The following HHIPL1 variants were observed in gnomAD, a reference collection of about 807,000 sequenced individuals.
HHIPL1 encodes the protein HHIP like 1, also known as HHIP-like protein 1.
HHIPL1 carries 43 observed loss-of-function variants against 61.8 expected under a neutral mutation model. The observed-to-expected ratio is 0.70, with a 90% CI of 0.55 to 0.90. The LOEUF is 0.90. Among genes scored for constraint, HHIPL1 ranks in the 40% least tolerant of loss-of-function variants. HHIPL1 has a pLI of 0.00. For synonymous variants in HHIPL1, 482 were observed against 515.8 expected (o/e 0.93, Z 0.89); for missense variants, 1,056 against 1,157.7 (o/e 0.91, Z 1.28).
chr14:99,631,730 C>T, the HHIPL1 span, among the ~76,000 whole-genome samples: 1 of 152,208 alleles, frequency 6.6e-6, no homozygotes, highest in Non-Finnish European at 1.5e-5. Context: ...AATTCTCCTG[C>T]CTCAGCCTCC....
the HHIPL1 span, among the ~76,000 whole-genome samples, chr14:99,621,457 C>A: frequency 6.6e-6 from 1 of 152,130 alleles, no homozygotes; most frequent in African/African-American, 2.4e-5. Flanking sequence ...CTGGGTGGGA[C>A]TGGGGGATTT....
Position 99,660,205 on chromosome 14 carries a change from C to A in HHIPL1, c.1376-75C>A. The A allele has an allele frequency of 1.3e-6, 2 of 1,575,410 alleles. No homozygotes were observed. Among genetic ancestry groups the A allele is most frequent in the Non-Finnish European group, 1.7e-6 (2 of 1,156,440 alleles). The stretch of plus-strand genomic sequence containing the variant: ...CGTGGCCGCCCCACCCCCGCGGAAT[C>A]CCTCCGGAATTCTCCTGGCTGATGA... On this transcript the variant is annotated intron_variant, in intron 4 of 8. Coordinates refer to ENST00000330710, the MANE Select transcript of HHIPL1 (RefSeq NM_001127258.3). This position sits in a 1 kb window ranked among gnomAD's most constrained non-coding sequence, Gnocchi z 4.9.
At chr14:99,674,412 C>T (rs527872791) in intron 8 of HHIPL1, among the ~76,000 whole-genome samples, 1 of 152,164 alleles carries the variant, frequency 6.6e-6, no homozygotes, top group East Asian at 1.9e-4. Context: ...CCGACTGCAC[C>T]CAGGCTCTGT....
chr14:99,660,520 C>T lies in HHIPL1; in HGVS notation c.1502+114C>T. 2.2e-6 allele frequency: 3 copies of T among 1,337,362 alleles called. No individual in the cohort carries two copies. Among genetic ancestry groups the T allele is most frequent in the Non-Finnish European group, 3.1e-6 (3 of 968,082 alleles). 82.8% of individuals were successfully genotyped at this position (1,337,362 alleles called of 1,614,324 possible). ...CCGTTCCTGCACATGTGCCTCGCTG[C>T]TCTGACAGGGGCCCCTAGGTGTGGG... is the stretch of plus-strand genomic sequence containing the variant. On this transcript the variant is annotated intron_variant, in intron 5 of 8. Transcript: ENST00000330710. The surrounding 1 kb of genome is among the most constrained non-coding windows in gnomAD (Gnocchi z 4.9).
At chr14:99,648,991 G>T (rs962284206) in intron 1 of HHIPL1, among the ~76,000 whole-genome samples, 9 of 152,186 alleles carry the variant, frequency 5.9e-5, no homozygotes, top group Admixed American at 5.9e-4. Flanking sequence ...GCGATACTGG[G>T]CTGGTTTCCT....
the HHIPL1 span, among the ~76,000 whole-genome samples, chr14:99,615,026 A>G: frequency 1.3e-5 from 2 of 152,282 alleles, no homozygotes; most frequent in South Asian, 2.1e-4. Flanking sequence ...TCCTCAAACC[A>G]TGGTGCGTAG....
rs1207683777 is a variant in HHIPL1, at chr14:99,652,295, G to T, written c.327G>T (p.Gly109=). The T allele has an allele frequency of 2.5e-6, 4 of 1,613,974 alleles. No individual in the cohort carries two copies. Among genetic ancestry groups the T allele is most frequent in the Non-Finnish European group, 3.4e-6 (4 of 1,180,042 alleles). ...DPFTPLRTVP[G]LCQDYCLDMW... Reference sequence around the variant, plus strand: ...TCACGCCCCTGCGCACGGTGCCCGGGCTCTGCCAGGATTACTGCCTGGACA... The same window carrying T: ...TCACGCCCCTGCGCACGGTGCCCGGTCTCTGCCAGGATTACTGCCTGGACA... Residue 109 remains glycine (G), a synonymous_variant, in exon 2 of 9, where the codon GGG becomes GGT. Coordinates refer to ENST00000330710, the MANE Select transcript of HHIPL1 (RefSeq NM_001127258.3).
At chr14:99,621,709 C>CTTTTT in the HHIPL1 span, among the ~76,000 whole-genome samples, 333 of 84,510 alleles carry the variant, frequency 3.9e-3, 5 homozygotes, top group South Asian at 5.1e-3. Flanking sequence ...CTTTTCTTTT[C>CTTTTT]TTTTTTTTTT....
the HHIPL1 span, among the ~76,000 whole-genome samples, chr14:99,639,073 A>G: frequency 6.6e-6 from 1 of 152,238 alleles, no homozygotes; most frequent in African/African-American, 2.4e-5. Context: ...TAAGATGCCT[A>G]GCACGTGCCA....
intron 2 of HHIPL1, among the ~76,000 whole-genome samples, chr14:99,654,534 TGTCGTTCATAGGA>T (rs2055996225): frequency 6.6e-6 from 1 of 152,174 alleles, no homozygotes; most frequent in East Asian, 1.9e-4. Flanking sequence ...GCCTGGGAAA[TGTCGTTCATAGGA>T]GCTGACCCCC....
intron 1 of HHIPL1, among the ~76,000 whole-genome samples, chr14:99,645,839 G>A (rs2055824031): frequency 6.6e-6 from 1 of 152,192 alleles, no homozygotes; most frequent in African/African-American, 2.4e-5. Flanking sequence ...TACCAAGGTG[G>A]AGAGGCATCT....
chr14:99,612,387 C>T, the HHIPL1 span, among the ~76,000 whole-genome samples: 1 of 152,176 alleles, frequency 6.6e-6, no homozygotes, highest in Admixed American at 6.5e-5. Flanking sequence ...GAAGCCCAGG[C>T]CAAATTTCAT....
rs768022444 is a variant in HHIPL1, at chr14:99,652,683, G to A, written c.715G>A (p.Val239Met). 3 of 1,613,966 alleles carry A rather than the reference G, an allele frequency of 1.9e-6. No homozygotes were observed. Among genetic ancestry groups the A allele is most frequent in the Non-Finnish European group, 2.5e-6 (3 of 1,180,006 alleles). ...GKPFLNISRV[V>M]LTSPWEGDER... Reference sequence around the variant, plus strand: ...GCCTTTCCTGAACATCAGCCGGGTGGTGCTCACCTCGCCCTGGGAGGGTGA... The same window carrying A: ...GCCTTTCCTGAACATCAGCCGGGTGATGCTCACCTCGCCCTGGGAGGGTGA... The change falls in exon 2 of 9, where the codon GTG (valine) becomes ATG (methionine). Residue 239 changes from valine to methionine, a missense_variant. Transcript: ENST00000330710.
chr14:99,668,794 T>C lies in HHIPL1; in HGVS notation c.1730+491T>C. The C allele has an allele frequency of 6.2e-7, 1 of 1,609,246 alleles. No homozygotes were observed. The highest frequency in any genetic ancestry group is 8.5e-7 in the Non-Finnish European group (1 of 1,179,390). On this transcript the variant is annotated intron_variant, in intron 7 of 8. Transcript: ENST00000330710. This position sits in a 1 kb window ranked among gnomAD's most constrained non-coding sequence, Gnocchi z 4.7. ...TCCACTGGGGAAAACACATTGGGGC[T>C]CCCTTCGCCGGCTCCATCTCCCCGG...
chr14:99,615,783 G>A, the HHIPL1 span, among the ~76,000 whole-genome samples: 2 of 152,188 alleles, frequency 1.3e-5, no homozygotes, highest in Admixed American at 1.3e-4. Flanking sequence ...GGTCCAGGGT[G>A]AGGGCTTTGC....
chr14:99,652,164 G>T, intron 1 of HHIPL1, 60 bp from the exon 2 acceptor site: 4 of 1,497,484 alleles, frequency 2.7e-6, no homozygotes, highest in Non-Finnish European at 3.6e-6. Flanking sequence ...CCCGCCCAAG[G>T]TAACCTTGGG....
At chr14:99,634,375 AG>A in the HHIPL1 span, among the ~76,000 whole-genome samples, 1 of 152,146 alleles carries the variant, frequency 6.6e-6, no homozygotes, top group Admixed American at 6.5e-5. Context: ...TTAGTTGTAG[AG>A]CTAGAAGTGT....
chr14:99,643,839 G>A (rs189179026), upstream of HHIPL1, among the ~76,000 whole-genome samples: 19 of 152,348 alleles, frequency 1.2e-4, no homozygotes, highest in East Asian at 3.7e-3. Context: ...ATCTCCAGCT[G>A]TGGCCAGACA....
intron 6 of HHIPL1, among the ~76,000 whole-genome samples, chr14:99,666,251 A>C (rs1290917501): frequency 6.6e-6 from 1 of 152,218 alleles, no homozygotes; most frequent in East Asian, 1.9e-4. Flanking sequence ...AACAGGACTG[A>C]GAGACGGGAG....
Sources: gnomAD v4.1 joint callset for allele counts (sites outside exome capture counted in the v4.1 genomes callset) on GRCh38, gnomAD v4.1.1 for gene constraint, Gnocchi (gnomAD v3.1) non-coding constraint, MANE v1.5 for transcripts, NCBI Gene and HGNC (gene_info 2026-07-23, HGNC 2026-07-21) for gene names.